The following IQCH variants were observed in gnomAD, a reference collection of about 807,000 sequenced individuals.
The protein encoded by IQCH is IQ domain-containing protein H.
Under a neutral mutation model 117.0 loss-of-function variants are expected in IQCH, and 98 were observed. The ratio of observed to expected loss-of-function variants is 0.84; its 90% CI spans 0.71 to 0.99. IQCH has a LOEUF of 0.99. Ranked by LOEUF, IQCH falls within the 50% of genes least tolerant of loss-of-function variation. The pLI is 0.00. For missense variants in IQCH, 1,102 were observed against 1,243.8 expected (o/e 0.89, Z 1.72); for synonymous variants, 412 against 448.2 (o/e 0.92, Z 1.02).
At chr15:67,285,676 C>T (rs1338303580) in intron 4 of IQCH, among the ~76,000 whole-genome samples, 1 of 152,170 alleles carries the variant, frequency 6.6e-6, no homozygotes, top group Non-Finnish European at 1.5e-5. Flanking sequence ...ATATGGCTAA[C>T]CAGTTATCCC....
chr15:67,296,563 C>T (rs749037494), intron 4 of IQCH, among the ~76,000 whole-genome samples: 1 of 151,948 alleles, frequency 6.6e-6, no homozygotes, highest in East Asian at 1.9e-4. Context: ...GCAAAGAGAC[C>T]CATCTGAGGG....
Position 67,345,454 on chromosome 15 carries a change from C to T in IQCH, c.637+1263C>T, listed in dbSNP as rs141944324. Among the ~76,000 whole-genome samples the T allele has an allele frequency of 1.5e-3, 233 of 152,254 alleles. 1 individual carries two copies. Among genetic ancestry groups the T allele is most frequent in the Non-Finnish European group, 2.4e-3 (161 of 68,016 alleles). ...CAATGGAGAAACCTGCAAACCCTGC[C>T]TTAACCAAATGACCAAGGATAATAT... On this transcript the variant is annotated intron_variant, in intron 6 of 20. Coordinates refer to ENST00000335894, the MANE Select transcript of IQCH (RefSeq NM_001031715.3).
At chr15:67,335,434 C>A (rs1469639894) in intron 4 of IQCH, among the ~76,000 whole-genome samples, 1 of 152,220 alleles carries the variant, frequency 6.6e-6, no homozygotes, top group Non-Finnish European at 1.5e-5. Flanking sequence ...TTTCTCTCTT[C>A]CTCCGATTTA....
intron 16 of IQCH, among the ~76,000 whole-genome samples, chr15:67,446,307 T>C (rs143225883): frequency 6.6e-6 from 1 of 152,332 alleles, no homozygotes; most frequent in African/African-American, 2.4e-5. Context: ...CAGGTAGAGC[T>C]AAAACTAAGA....
chr15:67,338,399 T>A (rs1466036603), intron 5 of IQCH, among the ~76,000 whole-genome samples: 1 of 152,222 alleles, frequency 6.6e-6, no homozygotes, highest in Non-Finnish European at 1.5e-5. Flanking sequence ...ATATTAGGGA[T>A]TAATAAATTA....
chr15:67,499,840 T>G (rs929150686), intron 20 of IQCH, among the ~76,000 whole-genome samples: 1 of 152,166 alleles, frequency 6.6e-6, no homozygotes, highest in African/African-American at 2.4e-5. Context: ...TTGAAAACAT[T>G]ATGCTAGGTA....
In IQCH at chr15:67,281,343, T is replaced by C. The variant is rs867091663; in HGVS notation, c.387+1831T>C. Among the ~76,000 whole-genome samples the C allele has an allele frequency of 4.6e-5, 7 of 152,322 alleles. No individual in the cohort carries two copies. The South Asian group carries it at 1.4e-3, about 32-fold the overall frequency. ...AAAAGGCATACAAGTTTATTTAACA[T>C]GTATACACAGGAGCCTTCAGTATGA... On this transcript the variant is annotated intron_variant, in intron 4 of 20. Transcript: ENST00000335894.
intron 6 of IQCH, among the ~76,000 whole-genome samples, chr15:67,346,386 A>G (rs1969392269): frequency 6.6e-6 from 1 of 152,074 alleles, no homozygotes; most frequent in Non-Finnish European, 1.5e-5. Flanking sequence ...TCTGGGAAAT[A>G]ATTTTTCCAC....
intron 1 of IQCH, among the ~76,000 whole-genome samples, chr15:67,255,488 G>C (rs1157604085): frequency 6.6e-6 from 1 of 152,222 alleles, no homozygotes; most frequent in Non-Finnish European, 1.5e-5. Context: ...TTTTTAATTT[G>C]AGAGGGGAAA....
chr15:67,461,540 A>G (rs908601350), intron 16 of IQCH, among the ~76,000 whole-genome samples: 2 of 152,224 alleles, frequency 1.3e-5, no homozygotes, highest in African/African-American at 2.4e-5. Flanking sequence ...TCTTCAATGG[A>G]AAGACCAGAT....
chr15:67,380,891 C>T (rs573400376), intron 10 of IQCH, among the ~76,000 whole-genome samples: 97 of 152,294 alleles, frequency 6.4e-4, no homozygotes, highest in African/African-American at 2.2e-3. Flanking sequence ...CAGGCTAGAG[C>T]GATGAGATAA....
Position 67,329,821 on chromosome 15 carries a change from TACACACACACAC to T in IQCH, c.388-7140_388-7129del, listed in dbSNP as rs35445898. Among the ~76,000 whole-genome samples the T allele has an allele frequency of 6.5e-4, 97 of 148,842 alleles. 1 individual carries two copies. Among genetic ancestry groups the T allele is most frequent in the Admixed American group, 6.5e-3 (97 of 14,912 alleles). On this transcript the variant is annotated intron_variant, in intron 4 of 20. Transcript: ENST00000335894. ...AAATAATTCAAATTTGAGTGAATTA[TACACACACACAC>T]ACACACACACACATATACACATATA...
intron 15 of IQCH, among the ~76,000 whole-genome samples, chr15:67,419,860 A>G (rs892874647): frequency 1.3e-5 from 2 of 152,248 alleles, no homozygotes; most frequent in African/African-American, 4.8e-5. Context: ...CTGAGAAGAT[A>G]GTGCAAGTAA....
chr15:67,422,833 C>T lies in IQCH; in HGVS notation c.2505+1256C>T, dbSNP rs1048859725. 6.6e-5 allele frequency among the ~76,000 whole-genome samples: 10 copies of T among 152,240 alleles called. No homozygotes were observed. The highest frequency in any genetic ancestry group is 1.9e-4 in the East Asian group (1 of 5,172). On this transcript the variant is annotated intron_variant, in intron 16 of 20. Coordinates refer to ENST00000335894, the MANE Select transcript of IQCH (RefSeq NM_001031715.3). The surrounding 1 kb of genome is among the most constrained non-coding windows in gnomAD (Gnocchi z 4.7). ...CACAGGACTCGTGTTTTAAAATGTC[C>T]GGTTGCTCCTCTCTTAGTGCTGCAT...
Position 67,369,497 on chromosome 15 carries a change from GAA to G in IQCH, c.754-2609_754-2608del, listed in dbSNP as rs1371114116. 6.9e-6 allele frequency among the ~76,000 whole-genome samples: 1 copy of G among 145,848 alleles called. No homozygotes were observed. The highest frequency in any genetic ancestry group is 1.5e-5 in the Non-Finnish European group (1 of 66,780). ...AAAGAGAGAGGAAGGAAGAGAAAAA[GAA>G]AAAAGAGAAAGAAGAGAGGGAAGGG... On this transcript the variant is annotated intron_variant, in intron 8 of 20. Transcript: ENST00000335894. This position sits in a 1 kb window ranked among gnomAD's most constrained non-coding sequence, Gnocchi z 5.2.
At chr15:67,418,764 G>C (rs2081645191) in intron 15 of IQCH, among the ~76,000 whole-genome samples, 1 of 151,792 alleles carries the variant, frequency 6.6e-6, no homozygotes, top group Non-Finnish European at 1.5e-5. Context: ...TTTTAGTAGA[G>C]ACAGGGTTTC....
intron 4 of IQCH, among the ~76,000 whole-genome samples, chr15:67,305,629 C>T (rs1159738077): frequency 1.3e-5 from 2 of 152,070 alleles, no homozygotes; most frequent in Non-Finnish European, 2.9e-5. Context: ...TTTCCTCTTC[C>T]ATCTAGAATT....
rs1968210485 is a variant in IQCH at position 67,322,971 on chromosome 15, G to A, written c.388-14004G>A. Among the ~76,000 whole-genome samples the A allele has an allele frequency of 2.0e-5, 3 of 152,182 alleles. No homozygotes were observed. In the South Asian group the frequency reaches 6.2e-4, roughly 31 times the overall value. On this transcript the variant is annotated intron_variant, in intron 4 of 20. Coordinates refer to ENST00000335894, the MANE Select transcript of IQCH (RefSeq NM_001031715.3). ...AAAAACCAATTAGGAAAGGGTAGGT[G>A]TATGTAAAATAGGTGAACAGTGGGT...
At chr15:67,460,202 G>C (rs182753824) in intron 16 of IQCH, among the ~76,000 whole-genome samples, 1 of 152,166 alleles carries the variant, frequency 6.6e-6, no homozygotes, top group Non-Finnish European at 1.5e-5. Context: ...ACCATTTCAA[G>C]TGCTCAATAG....
Sources: allele counts gnomAD v4.1 joint callset (sites outside exome capture counted in the v4.1 genomes callset), GRCh38; gene constraint gnomAD v4.1.1; non-coding constraint Gnocchi (gnomAD v3.1); transcripts MANE v1.5; gene names NCBI Gene and HGNC (gene_info 2026-07-23, HGNC 2026-07-21).